BACH2: variants seen among roughly 807,000 people sequenced by gnomAD.
BACH2 encodes the protein transcription regulator protein BACH2.
Under a neutral mutation model 61.8 loss-of-function variants are expected in BACH2, and 5 were observed. The ratio of observed to expected loss-of-function variants is 0.08; its 90% CI spans 0.04 to 0.17. The LOEUF (loss-of-function observed/expected upper bound fraction) is 0.17, where lower values mean the gene tolerates loss of function less well. Ranked by LOEUF, BACH2 falls within the 10% of genes least tolerant of loss-of-function variation. BACH2 has a pLI of 1.00. For synonymous variants in BACH2, 446 were observed against 440.1 expected (o/e 1.01, Z -0.17); for missense variants, 824 against 1,091.1 (o/e 0.76, Z 3.45).
intron 6 of BACH2, among the ~76,000 whole-genome samples, chr6:89,961,738 T>C (rs1434055780): frequency 2.6e-5 from 4 of 152,196 alleles, no homozygotes; most frequent in South Asian, 2.1e-4. Context: ...CCTTTCTTGT[T>C]ACTCTCCTCT....
chr6:90,123,769 CAAAAAAAAAAAA>C (rs796903431), intron 4 of BACH2, among the ~76,000 whole-genome samples: 5 of 33,998 alleles, frequency 1.5e-4, no homozygotes, highest in Non-Finnish European at 3.4e-4. Flanking sequence ...GACTCCGTCT[CAAAAAAAAAAAA>C]AAAAAAAAAA....
chr6:89,951,925 C>T lies in BACH2; in HGVS notation c.244-63G>A. On this transcript the variant is annotated intron_variant, in intron 6 of 8. Transcript: ENST00000257749. This position sits in a 1 kb window ranked among gnomAD's most constrained non-coding sequence, Gnocchi z 6.4. ...AGCACTGCTATTGTCCCGAATCCCT[C>T]AACTGAAGCAAGATAACCAGACAGT... 6.5e-7 allele frequency: 1 copy of T among 1,548,782 alleles called. No individual in the cohort carries two copies. Among genetic ancestry groups the T allele is most frequent in the Non-Finnish European group, 8.8e-7 (1 of 1,139,090 alleles).
intron 6 of BACH2, among the ~76,000 whole-genome samples, chr6:89,990,457 C>G (rs1216358790): frequency 1.3e-5 from 2 of 152,150 alleles, no homozygotes; most frequent in Non-Finnish European, 2.9e-5. Flanking sequence ...TCCACCTACC[C>G]AACCCTGTGT....
intron 5 of BACH2, among the ~76,000 whole-genome samples, chr6:90,073,111 G>A (rs907537868): frequency 1.3e-5 from 2 of 152,224 alleles, no homozygotes; most frequent in East Asian, 1.9e-4. Context: ...AGTTATCCCC[G>A]CTTGGGCGAG....
intron 4 of BACH2, among the ~76,000 whole-genome samples, chr6:90,170,314 C>T (rs1339289536): frequency 6.6e-6 from 1 of 152,060 alleles, no homozygotes; most frequent in Non-Finnish European, 1.5e-5. Context: ...CTTTACCTGC[C>T]CCAGGGTTCC....
At chr6:90,232,922 C>T (rs894399937) in intron 3 of BACH2, among the ~76,000 whole-genome samples, 1 of 152,012 alleles carries the variant, frequency 6.6e-6, no homozygotes, top group African/African-American at 2.4e-5. Context: ...ATCTCTGAGG[C>T]CAAATTAAAA....
In BACH2 at chr6:90,280,108, T is replaced by C. The variant is rs955363380; in HGVS notation, c.-445-8167A>G. ...CAAAGGTTCCCATAAGGTCAAAATATGGACTATGTATAAGAAGAAAAAATA... is the reference window on the plus strand; with the variant it reads ...CAAAGGTTCCCATAAGGTCAAAATACGGACTATGTATAAGAAGAAAAAATA... On this transcript the variant is annotated intron_variant, in intron 1 of 8. Transcript: ENST00000257749. 2.6e-5 allele frequency among the ~76,000 whole-genome samples: 4 copies of C among 152,078 alleles called. 1 individual carries two copies. Among genetic ancestry groups the C allele is most frequent in the South Asian group, 4.1e-4 (2 of 4,828 alleles).
intron 5 of BACH2, among the ~76,000 whole-genome samples, chr6:90,024,663 T>C (rs553065573): frequency 7.4e-4 from 112 of 152,294 alleles, no homozygotes; most frequent in African/African-American, 2.6e-3. Context: ...GAGAAGACTT[T>C]TTAAGGAAGC....
Position 90,021,402 on chromosome 6 carries a change from C to T in BACH2, c.-12-12546G>A, listed in dbSNP as rs181512343. Among the ~76,000 whole-genome samples the T allele has an allele frequency of 4.5e-3, 674 of 151,170 alleles. 1 individual carries two copies. Among genetic ancestry groups the T allele is most frequent in the Non-Finnish European group, 7.3e-3 (498 of 67,920 alleles). ...AAGATTTTCAGACAACCTGTCATGT[C>T]TAGAGTGCTTCAGATGAAAAGAAAT... On this transcript the variant is annotated intron_variant, in intron 5 of 8. Transcript: ENST00000257749.
At chr6:90,291,935 C>A (rs550599696) in intron 1 of BACH2, among the ~76,000 whole-genome samples, 1 of 152,262 alleles carries the variant, frequency 6.6e-6, no homozygotes, top group African/African-American at 2.4e-5. Flanking sequence ...GGTCATATGT[C>A]GCTGAAACTT....
chr6:90,214,463 C>T (rs1334003526), intron 3 of BACH2, among the ~76,000 whole-genome samples: 2 of 152,108 alleles, frequency 1.3e-5, no homozygotes, highest in Non-Finnish European at 2.9e-5. Flanking sequence ...TGATCCACTG[C>T]AATGGGAGCA....
chr6:89,954,455 C>A (rs1179174864), intron 6 of BACH2, among the ~76,000 whole-genome samples: 1 of 100,454 alleles, frequency 1.0e-5, no homozygotes, highest in Non-Finnish European at 1.9e-5. Flanking sequence ...CCCCCTCCCC[C>A]CACCCCACAA....
intron 5 of BACH2, among the ~76,000 whole-genome samples, chr6:90,021,640 A>C (rs913994147): frequency 1.3e-5 from 2 of 152,222 alleles, no homozygotes; most frequent in Non-Finnish European, 2.9e-5. Flanking sequence ...AGTTCTTATA[A>C]AAGAAAGTTT....
At chr6:90,295,370 C>T (rs902057568) in intron 1 of BACH2, among the ~76,000 whole-genome samples, 1 of 152,220 alleles carries the variant, frequency 6.6e-6, no homozygotes, top group African/African-American at 2.4e-5. Context: ...ACACTCACTC[C>T]CGGCCCTGCA....
intron 2 of BACH2, among the ~76,000 whole-genome samples, chr6:90,270,988 A>G (rs1252513835): frequency 6.6e-6 from 1 of 152,208 alleles, no homozygotes; most frequent in African/African-American, 2.4e-5. Context: ...AGAATACCCT[A>G]TTCAATAAAT....
At chr6:90,020,827 C>T (rs755759550) in intron 5 of BACH2, among the ~76,000 whole-genome samples, 2 of 152,130 alleles carry the variant, frequency 1.3e-5, no homozygotes, top group Admixed American at 6.5e-5. Context: ...AAATCTGCAG[C>T]AGGACCCATG....
At chr6:90,271,631 A>G (rs919892263) in intron 2 of BACH2, among the ~76,000 whole-genome samples, 1 of 152,244 alleles carries the variant, frequency 6.6e-6, no homozygotes, top group Non-Finnish European at 1.5e-5. Flanking sequence ...GCCAACAAAC[A>G]TAAGAAAAAA....
intron 4 of BACH2, among the ~76,000 whole-genome samples, chr6:90,094,525 T>C (rs1161062971): frequency 6.6e-6 from 1 of 152,202 alleles, no homozygotes; most frequent in South Asian, 2.1e-4. Context: ...TCCTACCTTA[T>C]TGGGATCTGG....
chr6:90,183,979 T>C (rs943356891), intron 4 of BACH2, among the ~76,000 whole-genome samples: 1 of 152,230 alleles, frequency 6.6e-6, no homozygotes, highest in African/African-American at 2.4e-5. Context: ...ACGTCTTTTC[T>C]CAGTGTCTAT....
Sources: allele counts gnomAD v4.1 joint callset (sites outside exome capture counted in the v4.1 genomes callset), GRCh38; gene constraint gnomAD v4.1.1; non-coding constraint Gnocchi (gnomAD v3.1); transcripts MANE v1.5; gene names NCBI Gene and HGNC (gene_info 2026-07-23, HGNC 2026-07-21).